The following CACNA2D3 variants were observed in gnomAD, a reference collection of about 807,000 sequenced individuals.
The protein encoded by CACNA2D3 is voltage-dependent calcium channel subunit alpha-2/delta-3.
A neutral mutation model predicts 160.6 loss-of-function variants in CACNA2D3; 60 were observed. That is an observed-to-expected ratio of 0.37 (90% CI 0.30 to 0.46). The LOEUF (loss-of-function observed/expected upper bound fraction) is 0.46. Among genes scored for constraint, CACNA2D3 ranks in the 20% least tolerant of loss-of-function variants. The pLI, the probability that CACNA2D3 is intolerant of heterozygous loss-of-function variation, is 1.00. For missense variants in CACNA2D3, 1,205 were observed against 1,365.0 expected, an observed-to-expected ratio of 0.88 and a Z score of 1.85; for synonymous variants, 558 against 492.9, an observed-to-expected ratio of 1.13 and a Z score of -1.75.
At chr3:54,192,666 T>C (rs925182325) in intron 2 of CACNA2D3, among the ~76,000 whole-genome samples, 3 of 116,106 alleles carry the variant, frequency 2.6e-5, no homozygotes, top group East Asian at 5.9e-4. Flanking sequence ...TTTTCCCATA[T>C]GTGAGGTGTG....
Position 54,592,026 on chromosome 3 carries a change from T to A in CACNA2D3, c.963+10149T>A, listed in dbSNP as rs536170436. 4.6e-5 allele frequency among the ~76,000 whole-genome samples: 7 copies of A among 152,270 alleles called. No individual in the cohort carries two copies. In the South Asian group the frequency reaches 1.2e-3, roughly 27 times the overall value. On this transcript the variant is annotated intron_variant, in intron 9 of 37. Coordinates refer to ENST00000474759, the MANE Select transcript of CACNA2D3 (RefSeq NM_018398.3). Reference sequence around the variant, plus strand: ...ACTGTTTTCCTGGTGGCCACTGCAGTGTTAACTTCAAGTTAATGAAAGGGC... The same window carrying A: ...ACTGTTTTCCTGGTGGCCACTGCAGAGTTAACTTCAAGTTAATGAAAGGGC...
At chr3:54,301,455 C>A (rs1391455168) in intron 2 of CACNA2D3, among the ~76,000 whole-genome samples, 2 of 151,742 alleles carry the variant, frequency 1.3e-5, no homozygotes, top group South Asian at 2.1e-4. Context: ...CAAAATGAGA[C>A]CCTGTCTCAA....
chr3:54,635,371 G>A (rs1699348349), intron 10 of CACNA2D3, among the ~76,000 whole-genome samples: 1 of 152,032 alleles, frequency 6.6e-6, no homozygotes, highest in Non-Finnish European at 1.5e-5. Flanking sequence ...GATAGCACCA[G>A]GAGATATCAG....
intron 11 of CACNA2D3, among the ~76,000 whole-genome samples, chr3:54,685,936 C>G (rs765722173): frequency 6.6e-6 from 1 of 152,196 alleles, no homozygotes; most frequent in East Asian, 1.9e-4. Flanking sequence ...CAAGGACAAC[C>G]CTTATGCTTC....
chr3:54,821,062 G>C (rs556752701), intron 14 of CACNA2D3, among the ~76,000 whole-genome samples: 21 of 152,280 alleles, frequency 1.4e-4, no homozygotes, highest in Middle Eastern at 3.4e-3. Flanking sequence ...AACGTGTCCA[G>C]ACTCTGGTAC....
chr3:54,493,170 T>A (rs1336666863), intron 4 of CACNA2D3, among the ~76,000 whole-genome samples: 1 of 136,910 alleles, frequency 7.3e-6, no homozygotes, highest in East Asian at 2.4e-4. Context: ...CTCCGCCTCC[T>A]GGGTTCAAGC....
intron 2 of CACNA2D3, among the ~76,000 whole-genome samples, chr3:54,136,068 C>G (rs567024275): frequency 2.2e-4 from 33 of 152,338 alleles, no homozygotes; most frequent in African/African-American, 7.5e-4. Context: ...CACTGGAAAT[C>G]TGTTCTAGTT....
chr3:54,261,212 T>C (rs564716352), intron 2 of CACNA2D3, among the ~76,000 whole-genome samples: 2 of 152,326 alleles, frequency 1.3e-5, no homozygotes, highest in East Asian at 3.9e-4. Flanking sequence ...ACAGGGCAAG[T>C]GGAATGGAAT....
At chr3:55,062,107 T>G (rs1704525158) in intron 35 of CACNA2D3, among the ~76,000 whole-genome samples, 1 of 152,132 alleles carries the variant, frequency 6.6e-6, no homozygotes, top group Non-Finnish European at 1.5e-5. Context: ...AATTATATTT[T>G]TATCTTTCAT....
chr3:54,356,012 T>C (rs1472890364), intron 3 of CACNA2D3, among the ~76,000 whole-genome samples: 1 of 148,812 alleles, frequency 6.7e-6, no homozygotes, highest in Non-Finnish European at 1.5e-5. Context: ...TCCCCAGGAC[T>C]GGCTGGACCA....
At chr3:54,543,692 G>T (rs986909695) in intron 5 of CACNA2D3, among the ~76,000 whole-genome samples, 13 of 152,148 alleles carry the variant, frequency 8.5e-5, no homozygotes, top group Admixed American at 2.6e-4. Context: ...CCCCACTGAG[G>T]AATAGTCCTT....
chr3:54,509,985 G>T (rs1377193954), intron 5 of CACNA2D3, among the ~76,000 whole-genome samples: 1 of 152,208 alleles, frequency 6.6e-6, no homozygotes, highest in East Asian at 1.9e-4. Flanking sequence ...TTAGTAGAAG[G>T]AAGGTGTGAT....
intron 13 of CACNA2D3, among the ~76,000 whole-genome samples, chr3:54,790,361 AAC>A (rs1374831429): frequency 6.6e-6 from 1 of 152,194 alleles, no homozygotes; most frequent in African/African-American, 2.4e-5. Context: ...ATTGCAAAGC[AAC>A]AGTCTAACAC....
chr3:54,891,430 G>C lies in CACNA2D3; in HGVS notation c.2226G>C (p.Gly742=). The C allele has an allele frequency of 6.2e-7, 1 of 1,613,776 alleles. No homozygotes were observed. Among genetic ancestry groups the C allele is most frequent in the Non-Finnish European group, 8.5e-7 (1 of 1,179,798 alleles). ...TCTCCAGAATCAACCTGTTTGTCGG[G>C]GCTGAGCAGCTCACCAATCAGTAAG... is the stretch of plus-strand genomic sequence containing the variant. ...TGLSRINLFV[G]AEQLTNQDFL... is the part of the protein sequence containing the mutation. The change falls in exon 25 of 38, where the codon GGG becomes GGC. Residue 742 remains glycine, a synonymous_variant. Transcript: ENST00000474759.
At chr3:54,364,309 C>T (rs956363996) in intron 3 of CACNA2D3, among the ~76,000 whole-genome samples, 4 of 152,304 alleles carry the variant, frequency 2.6e-5, no homozygotes, top group African/African-American at 7.2e-5. Flanking sequence ...CAGGGACATA[C>T]GATTTTATCT....
chr3:54,287,075 C>G (rs2107471131), intron 2 of CACNA2D3, among the ~76,000 whole-genome samples: 1 of 151,996 alleles, frequency 6.6e-6, no homozygotes, highest in East Asian at 1.9e-4. Flanking sequence ...TCACACATAA[C>G]AATATTAACT....
At chr3:55,036,471 AT>A (rs1286943089) in intron 35 of CACNA2D3, among the ~76,000 whole-genome samples, 2 of 151,244 alleles carry the variant, frequency 1.3e-5, no homozygotes, top group Non-Finnish European at 2.9e-5. Flanking sequence ...TTTATTTTTT[AT>A]TTTTTATTTT....
chr3:54,805,104 G>A (rs1216578904), intron 13 of CACNA2D3, among the ~76,000 whole-genome samples: 1 of 151,586 alleles, frequency 6.6e-6, no homozygotes, highest in Non-Finnish European at 1.5e-5. Flanking sequence ...AAGCAGGAAA[G>A]ATCCAAAATT....
intron 9 of CACNA2D3, among the ~76,000 whole-genome samples, chr3:54,589,137 G>A (rs1386677129): frequency 6.6e-6 from 1 of 152,014 alleles, no homozygotes; most frequent in Non-Finnish European, 1.5e-5. Flanking sequence ...TATAGTAACA[G>A]TACACAAGAG....
Sources: gnomAD v4.1 joint callset for allele counts (sites outside exome capture counted in the v4.1 genomes callset) on GRCh38, gnomAD v4.1.1 for gene constraint, MANE v1.5 for transcripts, NCBI Gene and HGNC (gene_info 2026-07-23, HGNC 2026-07-21) for gene names.